Variants in SMARCA2 observed in about 807,000 individuals in gnomAD.
SMARCA2 encodes SWI/SNF related BAF chromatin remodeling complex subunit ATPase 2, also known as SWI/SNF-related matrix-associated actin-dependent regulator of chromatin subfamily A member 2.
A neutral mutation model predicts 199.8 loss-of-function variants in SMARCA2; 61 were observed. The ratio of observed to expected loss-of-function variants is 0.31; its 90% CI spans 0.25 to 0.38. The LOEUF is 0.38. Among genes scored for constraint, SMARCA2 ranks in the 10% least tolerant of loss-of-function variants. The probability of loss-of-function intolerance (pLI) is 1.00; values close to 1 mark genes in which losing one functional copy is unlikely to be tolerated. For missense variants in SMARCA2, 1,344 were observed against 2,012.2 expected, an observed-to-expected ratio of 0.67 and a Z score of 6.35; for synonymous variants, 935 against 732.0, an observed-to-expected ratio of 1.28 and a Z score of -4.48.
chr9:2,149,745 T>A (rs1824961583), intron 27 of SMARCA2, among the ~76,000 whole-genome samples: 1 of 151,512 alleles, frequency 6.6e-6, no homozygotes, highest in African/African-American at 2.4e-5. Context: ...TTGTTCTTAT[T>A]TTTTTGCGCT....
chr9:2,023,911 C>T (rs866728793), intron 1 of SMARCA2, among the ~76,000 whole-genome samples: 1 of 152,338 alleles, frequency 6.6e-6, no homozygotes, highest in Non-Finnish European at 1.5e-5. Flanking sequence ...TCTTAACTAT[C>T]TCCTGAACCT....
At chr9:2,068,419 AT>A (rs1441434534) in intron 9 of SMARCA2, among the ~76,000 whole-genome samples, 3 of 152,166 alleles carry the variant, frequency 2.0e-5, no homozygotes, top group Admixed American at 6.5e-5. Context: ...ACATACATGT[AT>A]TTTTGGTAAA....
At chr9:2,033,177 T>C in intron 3 of SMARCA2, 96 bp downstream of exon 3, 1 of 1,410,492 alleles carries the variant, frequency 7.1e-7, no homozygotes, top group Middle Eastern at 1.9e-4. Context: ...AGAATGTGTC[T>C]AAGGAAGGTT....
chr9:2,160,569 A>G (rs756083412), intron 27 of SMARCA2: 11 of 701,716 alleles, frequency 1.6e-5, no homozygotes, highest in Non-Finnish European at 2.3e-5. Flanking sequence ...TGATTGTTAT[A>G]CTCACATGAT....
At chr9:2,074,386 G>T (rs139298242) in intron 12 of SMARCA2, among the ~76,000 whole-genome samples, 1 of 152,226 alleles carries the variant, frequency 6.6e-6, no homozygotes, top group African/African-American at 2.4e-5. Context: ...TGAGAGTGCC[G>T]TAGTATAGGT....
chr9:2,079,172 G>A (rs1260451034), intron 14 of SMARCA2, among the ~76,000 whole-genome samples: 4 of 152,080 alleles, frequency 2.6e-5, no homozygotes, highest in Admixed American at 6.5e-5. Context: ...TCACATGCCC[G>A]TCAGCACACT....
At chr9:2,181,246 G>A (rs1193370673) in intron 29 of SMARCA2, 1 of 206,214 alleles carries the variant, frequency 4.8e-6, no homozygotes, top group South Asian at 8.2e-5. Context: ...ATTTAAAAAT[G>A]AAATTTTTAG....
At chr9:2,146,175 A>C (rs909315291) in intron 27 of SMARCA2, among the ~76,000 whole-genome samples, 1 of 152,204 alleles carries the variant, frequency 6.6e-6, no homozygotes, top group African/African-American at 2.4e-5. Context: ...GTTCATAGAC[A>C]GTGCCTTTTT....
intron 27 of SMARCA2, among the ~76,000 whole-genome samples, chr9:2,154,202 A>C (rs1465384561): frequency 1.3e-5 from 2 of 152,114 alleles, no homozygotes; most frequent in Admixed American, 6.6e-5. Flanking sequence ...TAAATGACTA[A>C]ATGTACCCAA....
chr9:2,119,399 C>G lies in SMARCA2; in HGVS notation c.3685-59C>G. On this transcript the variant is annotated intron_variant, in intron 25 of 33. Coordinates refer to ENST00000349721, the MANE Select transcript of SMARCA2 (RefSeq NM_003070.5). This position sits in a 1 kb window ranked among gnomAD's most constrained non-coding sequence, Gnocchi z 4.6. ...TCTGGTCTGGAGGACAGATCACTTACTTGTTTGTACCTTGCCCCAGCTGTC... is the reference window on the plus strand; with the variant it reads ...TCTGGTCTGGAGGACAGATCACTTAGTTGTTTGTACCTTGCCCCAGCTGTC... 3 of 1,138,362 alleles carry G rather than the reference C, an allele frequency of 2.6e-6. No homozygotes were observed. The highest frequency in any genetic ancestry group is 4.0e-6 in the Non-Finnish European group (3 of 747,236). The allele number at this position is 1,138,362 out of a possible 1,614,324, so 70.5% of individuals were successfully genotyped here. A position where few individuals can be genotyped will look rare whatever the true frequency, so the allele number is the denominator to read the frequency against.
chr9:2,185,468 G>A (rs1181257327), intron 31 of SMARCA2, among the ~76,000 whole-genome samples: 1 of 152,188 alleles, frequency 6.6e-6, no homozygotes, highest in Non-Finnish European at 1.5e-5. Flanking sequence ...AATGCTGCTA[G>A]GAACATGGGT....
At position 2,048,841 on chromosome 9, in the gene SMARCA2, G is replaced by T. The variant is rs573402413; in HGVS notation, c.1046+1357G>T. On this transcript the variant is annotated intron_variant, in intron 5 of 33. Transcript: ENST00000349721. Reference sequence around the variant, plus strand: ...TCTGCTGGGTGAATAATTGCTGTGTGTTATAAAGTCAAATACTAGCATATT... The same window carrying T: ...TCTGCTGGGTGAATAATTGCTGTGTTTTATAAAGTCAAATACTAGCATATT... Among the ~76,000 whole-genome samples the T allele has an allele frequency of 1.5e-4, 23 of 152,292 alleles. No individual in the cohort carries two copies. The South Asian group carries it at 4.6e-3, about 30-fold the overall frequency.
At chr9:2,167,493 G>C (rs1019608985) in intron 28 of SMARCA2, among the ~76,000 whole-genome samples, 2 of 152,224 alleles carry the variant, frequency 1.3e-5, no homozygotes, top group Non-Finnish European at 2.9e-5. Context: ...AGTGATGGAG[G>C]AGGCAGGAGA....
chr9:2,054,951 C>T (rs1229182334), intron 6 of SMARCA2, among the ~76,000 whole-genome samples: 1 of 152,192 alleles, frequency 6.6e-6, no homozygotes, highest in African/African-American at 2.4e-5. Flanking sequence ...AGTTTTTCCT[C>T]CTGTACTATG....
intron 31 of SMARCA2, among the ~76,000 whole-genome samples, chr9:2,184,848 T>A (rs1408646859): frequency 6.9e-6 from 1 of 145,298 alleles, no homozygotes. Context: ...GATGGTCCCA[T>A]CCTCTCTCTC....
intron 29 of SMARCA2, among the ~76,000 whole-genome samples, chr9:2,179,979 C>G (rs1170465147): frequency 6.6e-6 from 1 of 152,150 alleles, no homozygotes; most frequent in Non-Finnish European, 1.5e-5. Context: ...AGGAAAAGAA[C>G]AGACCAGAAA....
intron 1 of SMARCA2, among the ~76,000 whole-genome samples, chr9:2,019,190 C>G (rs1250816759): frequency 6.6e-6 from 1 of 150,812 alleles, no homozygotes; most frequent in Non-Finnish European, 1.5e-5. Flanking sequence ...TTGGGGGCAT[C>G]AGAGAGATGC....
In SMARCA2 at chr9:2,161,119, T is replaced by A. The variant is rs1450940226; in HGVS notation, c.3982-567T>A. The A allele has an allele frequency of 6.4e-6, 1 of 155,892 alleles. No homozygotes were observed. Among genetic ancestry groups the A allele is most frequent in the Non-Finnish European group, 1.4e-5 (1 of 70,174 alleles). The allele number at this position is 155,892 out of a possible 1,614,324, so 9.7% of individuals were successfully genotyped here. ...AAGTGCGTTTACCAAGGAATGTGGCTTTGTACTTTCCCGTTTCCTTGTTTA... is the reference window on the plus strand; with the variant it reads ...AAGTGCGTTTACCAAGGAATGTGGCATTGTACTTTCCCGTTTCCTTGTTTA... On this transcript the variant is annotated intron_variant, in intron 27 of 33. Transcript: ENST00000349721. This position sits in a 1 kb window ranked among gnomAD's most constrained non-coding sequence, Gnocchi z 4.7.
intron 19 of SMARCA2, among the ~76,000 whole-genome samples, chr9:2,090,522 C>G (rs943516698): frequency 2.6e-5 from 4 of 152,130 alleles, no homozygotes; most frequent in Non-Finnish European, 4.4e-5. Flanking sequence ...CATCAGTGAA[C>G]TGGAAGATAA....
Sources: gnomAD v4.1 joint callset for allele counts (sites outside exome capture counted in the v4.1 genomes callset) on GRCh38, gnomAD v4.1.1 for gene constraint, Gnocchi (gnomAD v3.1) non-coding constraint, MANE v1.5 for transcripts, NCBI Gene and HGNC (gene_info 2026-07-23, HGNC 2026-07-21) for gene names.